Variants in APP observed in about 807,000 individuals in gnomAD.
APP encodes amyloid-beta precursor protein.
APP carries 31 observed loss-of-function variants against 101.4 expected under a neutral mutation model. The ratio of observed to expected loss-of-function variants is 0.31; its 90% CI spans 0.23 to 0.41. The LOEUF is 0.41. Among genes scored for constraint, APP ranks in the 10% least tolerant of loss-of-function variants. The probability of loss-of-function intolerance (pLI) is 1.00; values close to 1 mark genes in which losing one functional copy is unlikely to be tolerated. For missense variants in APP, 839 were observed against 1,003.7 expected (o/e 0.84, Z 2.22); for synonymous variants, 366 against 364.4 (o/e 1.00, Z -0.05).
intron 13 of APP, among the ~76,000 whole-genome samples, chr21:25,928,070 C>T (rs1352720867): frequency 2.0e-5 from 3 of 152,082 alleles, no homozygotes; most frequent in South Asian, 2.1e-4. Flanking sequence ...TATGGCCAGG[C>T]GCGGTGGCTC....
At position 26,035,006 on chromosome 21, in the gene APP, C is replaced by T. The variant is rs149725254; in HGVS notation, c.663-12964G>A. 7.8e-3 allele frequency among the ~76,000 whole-genome samples: 1,185 copies of T among 152,140 alleles called. 18 individuals carry two copies. Among genetic ancestry groups the T allele is most frequent in the African/African-American group, 0.028 (1,150 of 41,504 alleles). On this transcript the variant is annotated intron_variant, in intron 5 of 17. Transcript: ENST00000346798. ...TTTCTTCAGAAAAGAATGATCAGGG[C>T]CAGGCATGGTGGCTCATGCCTGTAA...
At chr21:26,081,814 G>C (rs1452500674) in intron 3 of APP, among the ~76,000 whole-genome samples, 1 of 152,154 alleles carries the variant, frequency 6.6e-6, no homozygotes, top group African/African-American at 2.4e-5. Flanking sequence ...TCTGAAACTT[G>C]TTCTCTAGCA....
intron 14 of APP, among the ~76,000 whole-genome samples, chr21:25,909,455 G>A (rs1386242127): frequency 1.3e-5 from 2 of 152,092 alleles, no homozygotes; most frequent in Admixed American, 6.6e-5. Flanking sequence ...CATCCAACAA[G>A]AATATCAGCT....
intron 5 of APP, among the ~76,000 whole-genome samples, chr21:26,026,808 T>G (rs891846636): frequency 6.6e-6 from 1 of 152,118 alleles, no homozygotes; most frequent in African/African-American, 2.4e-5. Context: ...ACTCACAGAA[T>G]AAACAATGCT....
chr21:26,071,624 T>C (rs1239838541), intron 3 of APP, among the ~76,000 whole-genome samples: 3 of 152,226 alleles, frequency 2.0e-5, no homozygotes, highest in African/African-American at 7.2e-5. Flanking sequence ...GACTAAAATG[T>C]ACATGAAAGG....
chr21:25,886,060 C>T (rs2037302607), intron 17 of APP, among the ~76,000 whole-genome samples: 1 of 151,818 alleles, frequency 6.6e-6, no homozygotes, highest in African/African-American at 2.4e-5. Flanking sequence ...TGAGTCAGGC[C>T]AAACGACAGA....
chr21:25,995,416 G>GA (rs1159346987), intron 8 of APP, among the ~76,000 whole-genome samples: 1 of 142,804 alleles, frequency 7.0e-6, no homozygotes, highest in African/African-American at 2.6e-5. Context: ...AACAATGTCA[G>GA]AACCAATGCT....
In APP at chr21:26,019,230, C is replaced by T. The variant is rs75113151; in HGVS notation, c.865+2610G>A. On this transcript the variant is annotated intron_variant, in intron 6 of 17. Coordinates refer to ENST00000346798, the MANE Select transcript of APP (RefSeq NM_000484.4). ...ACCTGCAGTTAATGCCCATCTTTGC[C>T]AGCCTGGCATTGAAGGTCTCTATAT... 1.7e-3 allele frequency among the ~76,000 whole-genome samples: 258 copies of T among 152,304 alleles called. 6 individuals carry two copies. In the East Asian group the frequency reaches 0.043, roughly 26 times the overall value.
chr21:25,941,571 G>A (rs548028752), intron 13 of APP: 26 of 152,402 alleles, frequency 1.7e-4, no homozygotes, highest in Admixed American at 1.6e-3. Context: ...TCGCCTCCCG[G>A]GCTCAAGTGA....
At position 26,000,147 on chromosome 21, in the gene APP, G is replaced by A. The variant is rs771666332; in HGVS notation, c.901C>T (p.Arg301Ter). The change falls in exon 7 of 18, where the codon CGA becomes TGA. Residue 301 changes from arginine to a stop codon, truncating the protein, a stop_gained. Coordinates refer to ENST00000346798, the MANE Select transcript of APP (RefSeq NM_000484.4). LOFTEE classifies it high-confidence loss of function. ...AAGTACCAGCGGGAGATCATTGCTC[G>A]GCACGGCCCCGTCTCGGCTTGTTCA... ...CSEQAETGPC[R>*]AMISRWYFDV... The A allele has an allele frequency of 8.1e-6, 13 of 1,614,068 alleles. No individual in the cohort carries two copies. Among genetic ancestry groups the A allele is most frequent in the African/African-American group, 4.0e-5 (3 of 74,930 alleles).
intron 3 of APP, among the ~76,000 whole-genome samples, chr21:26,067,721 T>C (rs2046511467): frequency 6.6e-6 from 1 of 152,210 alleles, no homozygotes; most frequent in South Asian, 2.1e-4. Context: ...TGATTAATTC[T>C]AATACAGAAA....
rs1446208112 is a variant in APP at position 26,170,608 on chromosome 21, A to C, written c.13T>G (p.Leu5Val). The change falls in exon 1 of 18, where the codon TTG becomes GTG. Residue 5 changes from leucine (L) to valine (V), a missense_variant. By Grantham distance (32) the Leu-to-Val change is conservative. Transcript: ENST00000346798. MLPG[L>V]ALLLLAAWTA... ...CAGGCGGCCAGCAGGAGCAGTGCCA[A>C]ACCGGGCAGCATCGCGACCCTGCGC... 3.1e-5 allele frequency: 47 copies of C among 1,537,906 alleles called. No individual in the cohort carries two copies. Among genetic ancestry groups the C allele is most frequent in the Non-Finnish European group, 4.0e-5 (46 of 1,146,098 alleles).
intron 9 of APP, among the ~76,000 whole-genome samples, chr21:25,978,410 G>A (rs2042301892): frequency 6.6e-6 from 1 of 152,144 alleles, no homozygotes; most frequent in African/African-American, 2.4e-5. Flanking sequence ...CCTCACAACA[G>A]CTTGTGAGAT....
At chr21:26,087,900 T>C (rs2061734571) in intron 3 of APP, among the ~76,000 whole-genome samples, 1 of 152,252 alleles carries the variant, frequency 6.6e-6, no homozygotes. Flanking sequence ...CGTGTAATTA[T>C]AATATTATTA....
At chr21:25,999,108 T>C (rs1281821050) in intron 7 of APP, among the ~76,000 whole-genome samples, 2 of 152,118 alleles carry the variant, frequency 1.3e-5, no homozygotes, top group Admixed American at 6.5e-5. Flanking sequence ...CTGGTCAACA[T>C]GGTGAAGCCT....
At chr21:26,092,789 T>C (rs959617794) in intron 2 of APP, among the ~76,000 whole-genome samples, 1 of 152,176 alleles carries the variant, frequency 6.6e-6, no homozygotes, top group African/African-American at 2.4e-5. Flanking sequence ...GTAGCAAGTA[T>C]ATGGGAAACC....
rs188733285 is a variant in APP, at chr21:26,150,144, A to T, written c.57+20420T>A. 3.7e-3 allele frequency among the ~76,000 whole-genome samples: 563 copies of T among 152,328 alleles called. 5 individuals are homozygous for T. The highest frequency in any genetic ancestry group is 6.4e-3 in the Non-Finnish European group (434 of 68,034). On this transcript the variant is annotated intron_variant, in intron 1 of 17. Coordinates refer to ENST00000346798, the MANE Select transcript of APP (RefSeq NM_000484.4). ...AGAAAAGCAAAAACCCAAAAGAAGC[A>T]GTTAGGCCTGAGAGCATACACACCA...
chr21:25,949,769 C>T (rs1482878469), intron 13 of APP, among the ~76,000 whole-genome samples: 1 of 151,934 alleles, frequency 6.6e-6, no homozygotes, highest in Non-Finnish European at 1.5e-5. Context: ...AGGTGGATAC[C>T]CAGTGCTTTC....
intron 11 of APP, among the ~76,000 whole-genome samples, chr21:25,959,736 A>G (rs2041495499): frequency 6.6e-6 from 1 of 152,228 alleles, no homozygotes; most frequent in Non-Finnish European, 1.5e-5. Context: ...AATGTCCTCT[A>G]TCCATGTGGA....
Sources: gnomAD v4.1 joint callset for allele counts (sites outside exome capture counted in the v4.1 genomes callset) on GRCh38, gnomAD v4.1.1 for gene constraint, MANE v1.5 for transcripts, NCBI Gene and HGNC (gene_info 2026-07-23, HGNC 2026-07-21) for gene names.